MCMDC2: variants seen among roughly 807,000 people sequenced by gnomAD.
MCMDC2 encodes the protein minichromosome maintenance domain containing 2, also known as minichromosome maintenance domain-containing protein 2.
MCMDC2 carries 54 observed loss-of-function variants against 75.8 expected under a neutral mutation model. The ratio of observed to expected loss-of-function variants is 0.71; its 90% CI spans 0.57 to 0.89. MCMDC2 has a LOEUF of 0.89. MCMDC2 is among the 40% of genes least tolerant of loss of function. The probability of loss-of-function intolerance (pLI) is 0.00; values close to 1 mark genes in which losing one functional copy is unlikely to be tolerated. For synonymous variants in MCMDC2, 249 were observed against 274.6 expected, an observed-to-expected ratio of 0.91 and a Z score of 0.92; for missense variants, 656 against 780.4, an observed-to-expected ratio of 0.84 and a Z score of 1.90.
At chr8:66,898,745 A>T (rs1812482282) in intron 12 of MCMDC2, among the ~76,000 whole-genome samples, 1 of 152,204 alleles carries the variant, frequency 6.6e-6, no homozygotes, top group Admixed American at 6.5e-5. Flanking sequence ...TAGAATGCAG[A>T]AGCTGGGAAA....
chr8:66,876,577 C>T (rs1255020292), intron 4 of MCMDC2, among the ~76,000 whole-genome samples: 1 of 152,064 alleles, frequency 6.6e-6, no homozygotes, highest in Non-Finnish European at 1.5e-5. Flanking sequence ...ACCCCAAGTC[C>T]ATCTGCTATA....
At chr8:66,874,704 C>T in intron 4 of MCMDC2, 118 bp downstream of exon 4, 1 of 852,414 alleles carries the variant, frequency 1.2e-6, no homozygotes, top group Non-Finnish European at 1.8e-6. Flanking sequence ...TTTCAAAATT[C>T]AATAGAATAT....
Position 66,890,918 on chromosome 8 carries a change from CT to C in MCMDC2, c.1128del (p.Thr377LeufsTer26). On this transcript the variant is annotated frameshift_variant, in exon 10 of 15. Transcript: ENST00000422365. LOFTEE classifies it high-confidence loss of function. ...CCCCGTGGTATACGTCATCTAGTCT[CT>C]ACTGAAATTTTTCCCACTCTATCCA... ...LVPRGIRHLV[S>X]TEIFPTLSRN... 1.2e-6 allele frequency: 2 copies of C among 1,613,708 alleles called. No individual in the cohort carries two copies. Among genetic ancestry groups the C allele is most frequent in the Non-Finnish European group, 1.7e-6 (2 of 1,179,922 alleles).
chr8:66,919,113 G>A lies in MCMDC2; in HGVS notation c.1990G>A (p.Glu664Lys). The A allele has an allele frequency of 1.3e-6, 2 of 1,550,576 alleles. No individual in the cohort carries two copies. The highest frequency in any genetic ancestry group is 1.7e-6 in the Non-Finnish European group (2 of 1,146,458). ...TCTGACTCAGTGCCAACAACAGCTG[G>A]AACAATTTATTGCCACATATGGACC... ...LYLTQCQQQL[E>K]QFIATYGPGT... is the part of the protein sequence containing the mutation. Residue 664 changes from glutamate to lysine, a missense_variant, in exon 15 of 15, where the codon GAA becomes AAA. Glu to Lys is a moderately conservative substitution (Grantham distance 56, BLOSUM62 1). Transcript: ENST00000422365.
rs1295004858 is a variant in MCMDC2, at chr8:66,905,238, T to C, written c.1782T>C (p.Ser594=). The C allele has an allele frequency of 1.3e-5, 19 of 1,448,224 alleles. 1 individual carries two copies. The highest frequency in any genetic ancestry group is 1.5e-5 in the Non-Finnish European group (16 of 1,098,220). 89.7% of individuals were successfully genotyped at this position (1,448,224 alleles called of 1,614,324 possible). The change falls in exon 14 of 15, where the codon TCT becomes TCC. Residue 594 remains serine, a synonymous_variant. Coordinates refer to ENST00000422365, the MANE Select transcript of MCMDC2 (RefSeq NM_173518.5). ...ASALKYLVFL[S]EAHARLNLRN... ...TTTTCTTTTTTAGCGTTTTCCTATC[T>C]GAAGCCCATGCACGACTGAACTTAA...
Position 66,921,974 on chromosome 8 carries a change from G to A in MCMDC2, c.*2805G>A, listed in dbSNP as rs1328498056. 2.0e-5 allele frequency: 3 copies of A among 152,692 alleles called. No individual in the cohort carries two copies. The highest frequency in any genetic ancestry group is 4.8e-5 in the African/African-American group (2 of 41,458). 9.5% of individuals were successfully genotyped at this position (152,692 alleles called of 1,614,324 possible). ...ACACTTTATTGTTCAGCAATTAAAA[G>A]TTAGCCAAATATGTATTTTTCTCCA... is the stretch of plus-strand genomic sequence containing the variant. On this transcript the variant is annotated 3_prime_UTR_variant, in exon 15 of 15. Transcript: ENST00000422365.
In MCMDC2 at chr8:66,874,537, T is replaced by C; in HGVS notation, c.236T>C (p.Ile79Thr). ...AAEVFQSVCFIAVKTLSLIGQ... is the reference protein window; with the variant it reads ...AAEVFQSVCFTAVKTLSLIGQ... ...TGTTTGAAATCACAGGTCTGTTTTA[T>C]TGCTGTTAAGACTCTCTCATTAATT... Residue 79 changes from isoleucine to threonine, a missense_variant, in exon 4 of 15, where the codon ATT (isoleucine) becomes ACT (threonine). Coordinates refer to ENST00000422365, the MANE Select transcript of MCMDC2 (RefSeq NM_173518.5). The C allele has an allele frequency of 6.2e-7, 1 of 1,613,434 alleles. No homozygotes were observed. Among genetic ancestry groups the C allele is most frequent in the Non-Finnish European group, 8.5e-7 (1 of 1,179,800 alleles).
chr8:66,918,402 A>G (rs1158941767), intron 14 of MCMDC2, among the ~76,000 whole-genome samples: 1 of 152,030 alleles, frequency 6.6e-6, no homozygotes, highest in African/African-American at 2.4e-5. Flanking sequence ...TGGTGCCTGT[A>G]CTTTTGATGT....
rs1812860836 is a variant in MCMDC2 at position 66,905,278 on chromosome 8, A to T, written c.1822A>T (p.Lys608Ter). 2 of 1,499,388 alleles carry T rather than the reference A, an allele frequency of 1.3e-6. No individual in the cohort carries two copies. Among genetic ancestry groups the T allele is most frequent in the South Asian group, 2.8e-5 (2 of 71,680 alleles). The allele number at this position is 1,499,388 out of a possible 1,614,324, so 92.9% of individuals were successfully genotyped here. Residue 608 changes from lysine to a stop codon, truncating the protein, a stop_gained, in exon 14 of 15, where the codon AAA (lysine) becomes TAA (stop). Coordinates refer to ENST00000422365, the MANE Select transcript of MCMDC2 (RefSeq NM_173518.5). LOFTEE classifies it high-confidence loss of function. ...ARLNLRNKVLKEDVLIAALLF... is the reference protein window; with the variant it reads ...ARLNLRNKVL ...ACTGAACTTAAGGAACAAAGTGCTT[A>T]AAGAAGATGTGCTGATTGCAGCCTT...
intron 14 of MCMDC2, among the ~76,000 whole-genome samples, chr8:66,916,374 T>C (rs1813320774): frequency 6.6e-6 from 1 of 151,770 alleles, no homozygotes. Flanking sequence ...CAGCTGAAAA[T>C]GAAAGGTTTG....
At chr8:66,886,444 C>A (rs1232811416) in intron 9 of MCMDC2, among the ~76,000 whole-genome samples, 1 of 152,078 alleles carries the variant, frequency 6.6e-6, no homozygotes, top group South Asian at 2.1e-4. Flanking sequence ...GGATTACAGG[C>A]ATGAGCCACT....
intron 14 of MCMDC2, among the ~76,000 whole-genome samples, chr8:66,906,561 G>T (rs557212741): frequency 2.0e-5 from 3 of 151,748 alleles, no homozygotes; most frequent in African/African-American, 7.2e-5. Flanking sequence ...ATTTTTTTCC[G>T]AGGAACATAG....
downstream of MCMDC2, among the ~76,000 whole-genome samples, chr8:66,924,240 T>C (rs1405927099): frequency 1.3e-5 from 2 of 152,128 alleles, no homozygotes; most frequent in African/African-American, 4.8e-5. Flanking sequence ...ATTCGTCTTC[T>C]TGACAGTTAA....
chr8:66,916,083 T>C (rs1008986646), intron 14 of MCMDC2, among the ~76,000 whole-genome samples: 2 of 151,746 alleles, frequency 1.3e-5, no homozygotes, highest in African/African-American at 4.8e-5. Context: ...AGACAAACTA[T>C]GAAGATGAGG....
intron 8 of MCMDC2, among the ~76,000 whole-genome samples, chr8:66,882,270 G>A (rs190857941): frequency 5.8e-4 from 89 of 152,336 alleles, no homozygotes; most frequent in Middle Eastern, 3.4e-3. Context: ...CTTGCATGAG[G>A]AACAATAGAT....
At chr8:66,895,304 T>G (rs961958877) in intron 10 of MCMDC2, among the ~76,000 whole-genome samples, 1 of 152,156 alleles carries the variant, frequency 6.6e-6, no homozygotes, top group African/African-American at 2.4e-5. Context: ...TGGCTGACTA[T>G]AAATGGAATC....
intron 1 of MCMDC2, among the ~76,000 whole-genome samples, chr8:66,871,060 A>G (rs1810992134): frequency 6.6e-6 from 1 of 152,190 alleles, no homozygotes; most frequent in Non-Finnish European, 1.5e-5. Flanking sequence ...AGACTAAGGG[A>G]AGACAGGGAG....
chr8:66,883,703 A>C, intron 8 of MCMDC2, 54 bp from the exon 9 acceptor site: 1 of 933,024 alleles, frequency 1.1e-6, no homozygotes, highest in Non-Finnish European at 1.7e-6. Flanking sequence ...AATATCTATA[A>C]TGTTGTCTTG....
At chr8:66,926,141 A>AAAAC (rs903646399), downstream of MCMDC2, 3 of 152,334 alleles carry the variant, frequency 2.0e-5, no homozygotes, top group South Asian at 2.1e-4. Flanking sequence ...GCTCCGTCTC[A>AAAAC]AAACAAACAA....
Sources: gnomAD v4.1 joint callset for allele counts (sites outside exome capture counted in the v4.1 genomes callset) on GRCh38, gnomAD v4.1.1 for gene constraint, MANE v1.5 for transcripts, NCBI Gene and HGNC (gene_info 2026-07-23, HGNC 2026-07-21) for gene names.